Variants in MAP3K10 observed in about 807,000 individuals in gnomAD.
The protein encoded by MAP3K10 is MKN28 derived nonreceptor_type serine/threonine kinase.
Under a neutral mutation model 75.0 loss-of-function variants are expected in MAP3K10, and 22 were observed. The observed-to-expected ratio is 0.29, with a 90% CI of 0.21 to 0.42. The LOEUF (loss-of-function observed/expected upper bound fraction) is 0.42, where lower values mean the gene tolerates loss of function less well. MAP3K10 is among the 10% of genes least tolerant of loss of function. The probability of loss-of-function intolerance (pLI) is 1.00; values close to 1 mark genes in which losing one functional copy is unlikely to be tolerated. For missense variants in MAP3K10, 1,165 were observed against 1,379.8 expected (o/e 0.84, Z 2.47); for synonymous variants, 599 against 612.9 (o/e 0.98, Z 0.34).
chr19:40,192,414 G>T lies in MAP3K10; in HGVS notation c.383G>T (p.Arg128Leu). The change falls in exon 1 of 10, where the codon CGG becomes CTG. Residue 128 changes from arginine to leucine, a missense_variant. Around this residue, in one of 2 missense-constraint regions of MAP3K10, gnomAD observed 575 missense variants for 793.2 expected, o/e 0.72. Transcript: ENST00000253055. This position sits in a 1 kb window ranked among gnomAD's most constrained non-coding sequence, Gnocchi z 7.1. The part of the protein sequence containing the change: ...RGEEVAVKAA[R>L]LDPEKDPAVT... Reference sequence around the variant, plus strand: ...GAGGAGGTGGCAGTCAAGGCCGCCCGGCTGGACCCTGAGAAGGACCCGGCA... The same window carrying T: ...GAGGAGGTGGCAGTCAAGGCCGCCCTGCTGGACCCTGAGAAGGACCCGGCA... 6.2e-7 allele frequency: 1 copy of T among 1,613,992 alleles called. No homozygotes were observed. Among genetic ancestry groups the T allele is most frequent in the East Asian group, 2.2e-5 (1 of 44,880 alleles).
rs750198147 is a variant in MAP3K10 at position 40,214,193 on chromosome 19, G to A, written c.2514G>A (p.Gly838=). The A allele has an allele frequency of 2.7e-5, 39 of 1,442,226 alleles. No individual in the cohort carries two copies. Among genetic ancestry groups the A allele is most frequent in the Middle Eastern group, 2.2e-4 (1 of 4,528 alleles). 89.3% of individuals were successfully genotyped at this position (1,442,226 alleles called of 1,614,324 possible). ...CGGACGGGGCGCTGGGGCAGCGGGG[G>A]CCGCCCGAGCCCGCGGGCCATGGCC... ...TPSDGALGQR[G]PPEPAGHGPG... The change falls in exon 9 of 10, where the codon GGG becomes GGA. Residue 838 remains glycine (G), a synonymous_variant. Coordinates refer to ENST00000253055, the MANE Select transcript of MAP3K10 (RefSeq NM_002446.4).
In MAP3K10 at chr19:40,209,231, C is replaced by T. The variant is rs376343324; in HGVS notation, c.1552+12C>T. ...GAGGGCCATTCGCCGTGAGTATCTC[C>T]CAAGGCCCTGACCAGTCAGTCAGTC... On this transcript the variant is annotated intron_variant, in intron 6 of 9. Coordinates refer to ENST00000253055, the MANE Select transcript of MAP3K10 (RefSeq NM_002446.4). 16 of 1,606,914 alleles carry T rather than the reference C, an allele frequency of 1.0e-5. No homozygotes were observed. The highest frequency in any genetic ancestry group is 1.4e-5 in the Non-Finnish European group (16 of 1,173,646).
chr19:40,206,011 A>G lies in MAP3K10; in HGVS notation c.1289A>G (p.Glu430Gly). ...CGGGAGCAGGAGCTGGCAGAACGTGAGATGGACATCGTGGAACGGGAGCTG... is the reference window on the plus strand; with the variant it reads ...CGGGAGCAGGAGCTGGCAGAACGTGGGATGGACATCGTGGAACGGGAGCTG... ...RRREQELAER[E>G]MDIVERELHL... Residue 430 changes from glutamate (E) to glycine (G), a missense_variant, in exon 5 of 10, where the codon GAG (glutamate) becomes GGG (glycine). Glu to Gly is a moderately conservative substitution (Grantham distance 98, BLOSUM62 -2). Coordinates refer to ENST00000253055, the MANE Select transcript of MAP3K10 (RefSeq NM_002446.4). 2 of 1,613,160 alleles carry G rather than the reference A, an allele frequency of 1.2e-6. No homozygotes were observed. Among genetic ancestry groups the G allele is most frequent in the Non-Finnish European group, 1.7e-6 (2 of 1,179,530 alleles).
At chr19:40,194,452 G>A (rs1462397713) in intron 1 of MAP3K10, among the ~76,000 whole-genome samples, 1 of 152,158 alleles carries the variant, frequency 6.6e-6, no homozygotes, top group Admixed American at 6.5e-5. Context: ...GAAATGTTGG[G>A]TAAATGGAGG....
chr19:40,215,029 C>T lies in MAP3K10; in HGVS notation c.2602C>T (p.Arg868Cys), dbSNP rs766118004. 1.2e-5 allele frequency: 20 copies of T among 1,602,886 alleles called. No individual in the cohort carries two copies. Among genetic ancestry groups the T allele is most frequent in the East Asian group, 6.7e-5 (3 of 44,766 alleles). The change falls in exon 10 of 10, where the codon CGC becomes TGC. Residue 868 changes from arginine (R) to cysteine (C), a missense_variant. Coordinates refer to ENST00000253055, the MANE Select transcript of MAP3K10 (RefSeq NM_002446.4). Reference sequence around the variant, plus strand: ...CGACCCCCAGGCCCTGTTCCCAGCCCGCCGCCGGCCCCCTGAGTTCCCAGG... The same window carrying T: ...CGACCCCCAGGCCCTGTTCCCAGCCTGCCGCCGGCCCCCTGAGTTCCCAGG... ...LPDPQALFPA[R>C]RRPPEFPGRP...
intron 1 of MAP3K10, among the ~76,000 whole-genome samples, chr19:40,196,212 A>G (rs561784133): frequency 2.6e-5 from 4 of 152,316 alleles, no homozygotes; most frequent in African/African-American, 9.6e-5. Context: ...TGGAGCCTCT[A>G]TGTGATAGAA....
Position 40,215,379 on chromosome 19 carries a change from G to A in MAP3K10, c.*87G>A, listed in dbSNP as rs1248793515. ...CCCGCCATGCCACAAGGTGGGGGAG[G>A]CCCTGGGCAGGATGTTCACTCTATT... On this transcript the variant is annotated 3_prime_UTR_variant, in exon 10 of 10. Transcript: ENST00000253055. The A allele has an allele frequency of 8.1e-7, 1 of 1,238,168 alleles. No homozygotes were observed. The highest frequency in any genetic ancestry group is 1.1e-6 in the Non-Finnish European group (1 of 896,682). 76.7% of individuals were successfully genotyped at this position (1,238,168 alleles called of 1,614,324 possible). A position where few individuals can be genotyped will look rare whatever the true frequency, so the allele number is the denominator to read the frequency against.
At chr19:40,214,738 C>T (rs1205067147) in intron 9 of MAP3K10, among the ~76,000 whole-genome samples, 1 of 152,118 alleles carries the variant, frequency 6.6e-6, no homozygotes, top group African/African-American at 2.4e-5. Context: ...GCAGCAGTTC[C>T]AGAAGGTTGA....
intron 5 of MAP3K10, among the ~76,000 whole-genome samples, chr19:40,207,361 A>G (rs1476636417): frequency 6.6e-6 from 1 of 152,204 alleles, no homozygotes; most frequent in Non-Finnish European, 1.5e-5. Flanking sequence ...GTGGAAATAT[A>G]ATACAAGCCA....
Position 40,213,422 on chromosome 19 carries a change from C to A in MAP3K10, c.1838-95C>A. ...ACGATGCTCGTGGGTCTTGGTCTTGCTGTTGGAGGGGTCATCGGGGGCTGT... is the reference window on the plus strand; with the variant it reads ...ACGATGCTCGTGGGTCTTGGTCTTGATGTTGGAGGGGTCATCGGGGGCTGT... On this transcript the variant is annotated intron_variant, in intron 8 of 9. Coordinates refer to ENST00000253055, the MANE Select transcript of MAP3K10 (RefSeq NM_002446.4). This position sits in a 1 kb window ranked among gnomAD's most constrained non-coding sequence, Gnocchi z 5.7. 5 of 1,532,444 alleles carry A rather than the reference C, an allele frequency of 3.3e-6. No homozygotes were observed. The highest frequency in any genetic ancestry group is 1.4e-5 in the African/African-American group (1 of 72,826). The allele number at this position is 1,532,444 out of a possible 1,614,324, so 94.9% of individuals were successfully genotyped here. A position where few individuals can be genotyped will look rare whatever the true frequency, so the allele number is the denominator to read the frequency against.
Position 40,213,348 on chromosome 19 carries a change from G to T in MAP3K10, c.1837+160G>T. On this transcript the variant is annotated intron_variant, in intron 8 of 9. Coordinates refer to ENST00000253055, the MANE Select transcript of MAP3K10 (RefSeq NM_002446.4). This position sits in a 1 kb window ranked among gnomAD's most constrained non-coding sequence, Gnocchi z 5.7. The stretch of plus-strand genomic sequence containing the variant: ...CTGGGGCGTGGGGGGTCATTTCCAG[G>T]GGCAGGGACCACCCTTCTCTGAGGC... The T allele has an allele frequency of 6.9e-7, 1 of 1,450,206 alleles. No individual in the cohort carries two copies. Among genetic ancestry groups the T allele is most frequent in the Non-Finnish European group, 9.0e-7 (1 of 1,106,090 alleles). The allele number at this position is 1,450,206 out of a possible 1,614,324, so 89.8% of individuals were successfully genotyped here.
rs2145100594 is a variant in MAP3K10, at chr19:40,213,966, C to T, written c.2287C>T (p.Arg763Cys). ...CTGCAACTCCACGCGTTCACTGCTG[C>T]GCTCTGACAGTGACGAGGCCGCACC... Reference protein sequence around the residue: ...SDCNSTRSLLRSDSDEAAPAA... With the variant: ...SDCNSTRSLLCSDSDEAAPAA... The change falls in exon 9 of 10, where the codon CGC becomes TGC. Residue 763 changes from arginine to cysteine, a missense_variant. By Grantham distance (180) the Arg-to-Cys change is radical. Transcript: ENST00000253055. The surrounding 1 kb of genome is among the most constrained non-coding windows in gnomAD (Gnocchi z 5.7). 3 of 1,535,954 alleles carry T rather than the reference C, an allele frequency of 2.0e-6. No individual in the cohort carries two copies. The highest frequency in any genetic ancestry group is 1.7e-6 in the Non-Finnish European group (2 of 1,148,448).
chr19:40,215,199 C>G lies in MAP3K10; in HGVS notation c.2772C>G (p.Pro924=), dbSNP rs906203036. The change falls in exon 10 of 10, where the codon CCC becomes CCG. Residue 924 remains proline, a synonymous_variant. Transcript: ENST00000253055. ...CAGACACTCCGGAGAGCCCTGGGCC[C>G]CCCAGCGTGCAGCCCACACTGCTGG... is the stretch of plus-strand genomic sequence containing the variant. The part of the protein sequence containing the change: ...SRPDTPESPG[P]PSVQPTLLDM... The G allele has an allele frequency of 1.3e-6, 2 of 1,583,258 alleles. No homozygotes were observed. The highest frequency in any genetic ancestry group is 2.7e-5 in the African/African-American group (2 of 73,890).
Position 40,205,144 on chromosome 19 carries a change from G to C in MAP3K10, c.1036G>C (p.Gly346Arg). Residue 346 changes from glycine (G) to arginine (R), a missense_variant, in exon 4 of 10, where the codon GGG (glycine) becomes CGG (arginine). Transcript: ENST00000253055. This position sits in a 1 kb window ranked among gnomAD's most constrained non-coding sequence, Gnocchi z 4.3. ...LEECWDPDPH[G>R]RPDFGSILKR... ...AGAATGCTGGGACCCAGACCCCCAC[G>C]GGCGGCCAGATTTCGGTAGCATCTT... is the stretch of plus-strand genomic sequence containing the variant. 2 of 1,613,388 alleles carry C rather than the reference G, an allele frequency of 1.2e-6. No individual in the cohort carries two copies. Among genetic ancestry groups the C allele is most frequent in the Non-Finnish European group, 1.7e-6 (2 of 1,180,022 alleles).
chr19:40,213,773 C>T lies in MAP3K10; in HGVS notation c.2094C>T (p.Asp698=), dbSNP rs1209610602. The T allele has an allele frequency of 2.5e-6, 3 of 1,179,568 alleles. No individual in the cohort carries two copies. Among genetic ancestry groups the T allele is most frequent in the South Asian group, 2.5e-5 (1 of 40,116 alleles). 73.1% of individuals were successfully genotyped at this position (1,179,568 alleles called of 1,614,324 possible). A position where few individuals can be genotyped will look rare whatever the true frequency, so the allele number is the denominator to read the frequency against. ...GADVAEARAA[D]GEEQRRWLDG... The stretch of plus-strand genomic sequence containing the variant: ...ACGTGGCCGAGGCGCGCGCGGCCGA[C>T]GGTGAGGAGCAGCGGCGCTGGCTCG... Residue 698 remains aspartate, a synonymous_variant, in exon 9 of 10, where the codon GAC becomes GAT. Coordinates refer to ENST00000253055, the MANE Select transcript of MAP3K10 (RefSeq NM_002446.4). The surrounding 1 kb of genome is among the most constrained non-coding windows in gnomAD (Gnocchi z 5.7).
rs775388464 is a variant in MAP3K10 at position 40,215,159 on chromosome 19, C to T, written c.2732C>T (p.Ser911Leu). The T allele has an allele frequency of 3.7e-6, 6 of 1,606,826 alleles. No individual in the cohort carries two copies. Among genetic ancestry groups the T allele is most frequent in the East Asian group, 4.5e-5 (2 of 44,256 alleles). Residue 911 changes from serine (S) to leucine (L), a missense_variant, in exon 10 of 10, where the codon TCG becomes TTG. Transcript: ENST00000253055. ...LVSFGRTLTI[S>L]PPSRPDTPES... is the part of the protein sequence containing the mutation. Reference sequence around the variant, plus strand: ...TCCTTCGGCCGGACACTCACCATCTCGCCTCCCAGCAGGCCAGACACTCCG... The same window carrying T: ...TCCTTCGGCCGGACACTCACCATCTTGCCTCCCAGCAGGCCAGACACTCCG...
rs771717258 is a variant in MAP3K10, at chr19:40,215,148, A to G, written c.2721A>G (p.Thr907=). Residue 907 remains threonine (T), a synonymous_variant, in exon 10 of 10, where the codon ACA becomes ACG. Coordinates refer to ENST00000253055, the MANE Select transcript of MAP3K10 (RefSeq NM_002446.4). ...GGAAACTGGTCTCCTTCGGCCGGAC[A>G]CTCACCATCTCGCCTCCCAGCAGGC... ...DPWKLVSFGR[T]LTISPPSRPD... 3.1e-6 allele frequency: 5 copies of G among 1,608,444 alleles called. No individual in the cohort carries two copies. The highest frequency in any genetic ancestry group is 3.4e-6 in the Non-Finnish European group (4 of 1,178,182).
chr19:40,199,452 T>C (rs1052786255), intron 2 of MAP3K10, among the ~76,000 whole-genome samples: 22 of 152,236 alleles, frequency 1.4e-4, no homozygotes, highest in African/African-American at 4.8e-4. Flanking sequence ...ATCTGAGAAA[T>C]GATACTTCAT....
intron 5 of MAP3K10, among the ~76,000 whole-genome samples, chr19:40,208,345 C>CTTTCTTTTTTTTTTTTTTT (rs1555756622): frequency 2.0e-4 from 11 of 55,904 alleles, no homozygotes; most frequent in Non-Finnish European, 3.0e-4. Context: ...CTCTTTCTTT[C>CTTTCTTTTTTTTTTTTTTT]TTTTTTTTTT....
Sources: gnomAD v4.1 joint callset for allele counts (sites outside exome capture counted in the v4.1 genomes callset) on GRCh38, gnomAD v4.1.1 for gene constraint, gnomAD v4.1.1 regional missense constraint, Gnocchi (gnomAD v3.1) non-coding constraint, MANE v1.5 for transcripts, NCBI Gene and HGNC (gene_info 2026-07-23, HGNC 2026-07-21) for gene names.